The following ARID4B variants were observed in gnomAD, a reference collection of about 807,000 sequenced individuals.
The protein encoded by ARID4B is AT-rich interactive domain-containing protein 4B.
ARID4B carries 26 observed loss-of-function variants against 147.5 expected under a neutral mutation model. That is an observed-to-expected ratio of 0.18 (90% CI 0.13 to 0.24). The LOEUF (loss-of-function observed/expected upper bound fraction) is 0.24, where lower values mean the gene tolerates loss of function less well. Ranked by LOEUF, ARID4B falls within the 10% of genes least tolerant of loss-of-function variation. The probability of loss-of-function intolerance (pLI) is 1.00; values close to 1 mark genes in which losing one functional copy is unlikely to be tolerated. For missense variants in ARID4B, 1,179 were observed against 1,511.5 expected, an observed-to-expected ratio of 0.78 and a Z score of 3.65; for synonymous variants, 512 against 507.9, an observed-to-expected ratio of 1.01 and a Z score of -0.11.
chr1:235,287,460 T>C (rs1398694711), intron 2 of ARID4B, among the ~76,000 whole-genome samples: 1 of 152,178 alleles, frequency 6.6e-6, no homozygotes, highest in Non-Finnish European at 1.5e-5. Context: ...TCTCATTGTG[T>C]GTTCTGTCTT....
At chr1:235,304,139 T>TTGAGTC (rs1673382141) in intron 2 of ARID4B, among the ~76,000 whole-genome samples, 1 of 152,146 alleles carries the variant, frequency 6.6e-6, no homozygotes, top group Non-Finnish European at 1.5e-5. Context: ...GACAGATATC[T>TTGAGTC]TGAGTCCAGG....
rs1374867558 is a variant in ARID4B at position 235,236,860 on chromosome 1, ATATTTTTTTTTTT to A, written c.586-2381_586-2369del. On this transcript the variant is annotated intron_variant, in intron 8 of 23. Transcript: ENST00000264183. ...TATATATATATATATATATATATAT[ATATTTTTTTTTTT>A]TTTTTTTTTTTTTTTTGAGATAAAA... 3.2e-3 allele frequency among the ~76,000 whole-genome samples: 65 copies of A among 20,418 alleles called. 1 individual carries two copies. Among genetic ancestry groups the A allele is most frequent in the African/African-American group, 8.6e-3 (63 of 7,324 alleles). The allele number at this position is 20,418 out of a possible 152,430, so 13.4% of individuals were successfully genotyped here.
At chr1:235,210,522 AT>A (rs1476914408) in intron 17 of ARID4B, among the ~76,000 whole-genome samples, 1 of 151,044 alleles carries the variant, frequency 6.6e-6, no homozygotes, top group Non-Finnish European at 1.5e-5. Flanking sequence ...AATAAAAATT[AT>A]TGCTTATTTA....
chr1:235,195,987 T>A, intron 18 of ARID4B, 44 bp downstream of exon 18: 1 of 1,215,588 alleles, frequency 8.2e-7, no homozygotes, highest in African/African-American at 1.5e-5. Context: ...GGAGGAAAAC[T>A]TCTTTTTAAG....
At chr1:235,260,329 G>A (rs1359192606) in intron 3 of ARID4B, among the ~76,000 whole-genome samples, 3 of 152,026 alleles carry the variant, frequency 2.0e-5, no homozygotes, top group Non-Finnish European at 4.4e-5. Flanking sequence ...AACCCTCTCC[G>A]AGCCTCATTT....
At chr1:235,236,348 T>G (rs1668552291) in intron 8 of ARID4B, among the ~76,000 whole-genome samples, 1 of 152,110 alleles carries the variant, frequency 6.6e-6, no homozygotes, top group African/African-American at 2.4e-5. Flanking sequence ...ATTACTAACC[T>G]TTCAATATTA....
At chr1:235,312,834 A>G (rs908368495) in intron 2 of ARID4B, among the ~76,000 whole-genome samples, 2 of 151,992 alleles carry the variant, frequency 1.3e-5, no homozygotes, top group African/African-American at 2.4e-5. Context: ...TTAGCCGAGC[A>G]TGGTGGCGCA....
At chr1:235,277,601 TG>T in intron 2 of ARID4B, among the ~76,000 whole-genome samples, 1 of 23,788 alleles carries the variant, frequency 4.2e-5, no homozygotes, top group South Asian at 9.3e-3. Context: ...ATATTGTGTG[TG>T]TGTGTGTGTG....
chr1:235,277,785 T>C (rs376230141), intron 2 of ARID4B, among the ~76,000 whole-genome samples: 1 of 152,138 alleles, frequency 6.6e-6, no homozygotes, highest in East Asian at 1.9e-4. Context: ...TTGCTGAGGA[T>C]ATCTATTCCA....
chr1:235,313,665 AC>A (rs1463323511), intron 2 of ARID4B, among the ~76,000 whole-genome samples: 1 of 152,144 alleles, frequency 6.6e-6, no homozygotes, highest in Non-Finnish European at 1.5e-5. Context: ...TCCATAAATA[AC>A]CCTCTAGGCT....
chr1:235,262,340 A>G (rs975443979), intron 2 of ARID4B, among the ~76,000 whole-genome samples: 1 of 152,210 alleles, frequency 6.6e-6, no homozygotes, highest in African/African-American at 2.4e-5. Flanking sequence ...ATTTCATAAA[A>G]AGTAAACTCA....
intron 19 of ARID4B, chr1:235,190,031 A>AAT (rs1280186269): frequency 6.5e-6 from 1 of 154,276 alleles, no homozygotes; most frequent in Non-Finnish European, 1.5e-5. Context: ...AGGGGATGAA[A>AAT]ATATATCTAC....
chr1:235,182,235 T>C lies in ARID4B; in HGVS notation c.2684A>G (p.Tyr895Cys). ...TTCTGCCACTTCTGAAAATCCTGAA[T>C]AGAAACCAGTTGTCCGTAGAGATTT... ...KRKSLRTTGF[Y>C]SGFSEVAEKR... Residue 895 changes from tyrosine (Y) to cysteine (C), a missense_variant, in exon 20 of 24, where the codon TAT (tyrosine) becomes TGT (cysteine). Coordinates refer to ENST00000264183, the MANE Select transcript of ARID4B (RefSeq NM_016374.6). 1.9e-6 allele frequency: 3 copies of C among 1,613,444 alleles called. No individual in the cohort carries two copies. Among genetic ancestry groups the C allele is most frequent in the Non-Finnish European group, 2.5e-6 (3 of 1,179,876 alleles).
At chr1:235,253,204 C>T (rs1029427189) in intron 5 of ARID4B, among the ~76,000 whole-genome samples, 2 of 152,190 alleles carry the variant, frequency 1.3e-5, no homozygotes, top group African/African-American at 4.8e-5. Flanking sequence ...TGCAATCAGA[C>T]TGCCCCTTTA....
At chr1:235,218,242 G>A (rs772096439) in intron 16 of ARID4B, among the ~76,000 whole-genome samples, 1 of 152,032 alleles carries the variant, frequency 6.6e-6, no homozygotes, top group Non-Finnish European at 1.5e-5. Context: ...TTTGAGGTAC[G>A]CATATACTAA....
intron 11 of ARID4B, chr1:235,228,671 A>T: frequency 7.2e-6 from 1 of 139,130 alleles, no homozygotes. Context: ...TTTGAGACAG[A>T]GTCTCGCTCT....
chr1:235,279,209 A>AC (rs1390612468), intron 2 of ARID4B, among the ~76,000 whole-genome samples: 1 of 150,744 alleles, frequency 6.6e-6, no homozygotes, highest in East Asian at 2.0e-4. Flanking sequence ...TGCACCCCCC[A>AC]CCCCCGGCAA....
In ARID4B at chr1:235,172,718, T is replaced by C; in HGVS notation, c.3711A>G (p.Gln1237=). The part of the protein sequence containing the change: ...MTSAERITIL[Q]EKLQEIRKHY... ...GTTTTCTGATTTCTTGAAGTTTTTCTTGAAGAATTGTGATGCGTTCGGCAC... is the reference window on the plus strand; with the variant it reads ...GTTTTCTGATTTCTTGAAGTTTTTCCTGAAGAATTGTGATGCGTTCGGCAC... Residue 1237 remains glutamine, a synonymous_variant, in exon 23 of 24, where the codon CAA becomes CAG. Coordinates refer to ENST00000264183, the MANE Select transcript of ARID4B (RefSeq NM_016374.6). 1 of 1,607,556 alleles carries C rather than the reference T, an allele frequency of 6.2e-7. No individual in the cohort carries two copies. Among genetic ancestry groups the C allele is most frequent in the Non-Finnish European group, 8.5e-7 (1 of 1,177,586 alleles).
intron 2 of ARID4B, among the ~76,000 whole-genome samples, chr1:235,308,899 C>T (rs1673791688): frequency 6.6e-6 from 1 of 152,218 alleles, no homozygotes; most frequent in African/African-American, 2.4e-5. Context: ...GCTGCCACCC[C>T]ATCTGGGAAG....
Sources: gnomAD v4.1 joint callset for allele counts (sites outside exome capture counted in the v4.1 genomes callset) on GRCh38, gnomAD v4.1.1 for gene constraint, MANE v1.5 for transcripts, NCBI Gene and HGNC (gene_info 2026-07-23, HGNC 2026-07-21) for gene names.